Variants in PTPRD observed in about 807,000 individuals in gnomAD.
The protein encoded by PTPRD is protein tyrosine phosphatase receptor type D, also known as receptor-type tyrosine-protein phosphatase delta.
In PTPRD, 34 loss-of-function variants were observed where a neutral mutation model predicts 214.5. The ratio of observed to expected loss-of-function variants is 0.16; its 90% CI spans 0.12 to 0.21. The LOEUF (loss-of-function observed/expected upper bound fraction) is 0.21, where lower values mean the gene tolerates loss of function less well. Ranked by LOEUF, PTPRD falls within the 10% of genes least tolerant of loss-of-function variation. The pLI, the probability that PTPRD is intolerant of heterozygous loss-of-function variation, is 1.00. For synonymous variants in PTPRD, 1,128 were observed against 845.7 expected (o/e 1.33, Z -5.79); for missense variants, 2,545 against 2,398.7 (o/e 1.06, Z -1.27).
intron 8 of PTPRD, among the ~76,000 whole-genome samples, chr9:9,506,369 TA>T (rs145381470): frequency 2.0e-5 from 3 of 150,984 alleles, no homozygotes; most frequent in South Asian, 2.1e-4. Flanking sequence ...ATTATATAGC[TA>T]AAAAAAAGAC....
chr9:9,647,523 T>C (rs2096225742), intron 7 of PTPRD, among the ~76,000 whole-genome samples: 1 of 152,204 alleles, frequency 6.6e-6, no homozygotes, highest in South Asian at 2.1e-4. Flanking sequence ...GTCTTATATA[T>C]GTATTACCTA....
At chr9:10,152,679 G>C (rs1160766401) in intron 3 of PTPRD, among the ~76,000 whole-genome samples, 2 of 152,116 alleles carry the variant, frequency 1.3e-5, no homozygotes, top group African/African-American at 2.4e-5. Flanking sequence ...TACAAAATTA[G>C]CTGGGCGTGG....
intron 11 of PTPRD, among the ~76,000 whole-genome samples, chr9:8,959,020 C>T (rs758032830): frequency 3.3e-5 from 5 of 151,972 alleles, no homozygotes; most frequent in African/African-American, 9.7e-5. Flanking sequence ...GACAGGTCCT[C>T]GAGGAAGCAC....
Position 8,317,962 on chromosome 9 carries a change from GGGA to G in PTPRD, c.5671-23_5671-21del, listed in dbSNP as rs769312778. ...TTGATCCTGCAGGAGACAATGAATGGGGAGAAGCAAAAGAAGGGACCATGAGCA... is the reference window on the plus strand; with the variant it reads ...TTGATCCTGCAGGAGACAATGAATGGGAAGCAAAAGAAGGGACCATGAGCA... On this transcript the variant is annotated intron_variant, in intron 45 of 45. Transcript: ENST00000381196. The G allele has an allele frequency of 4.4e-6, 7 of 1,607,302 alleles. No individual in the cohort carries two copies.
chr9:8,906,432 G>A (rs2098708220), intron 11 of PTPRD, among the ~76,000 whole-genome samples: 1 of 152,142 alleles, frequency 6.6e-6, no homozygotes, highest in Non-Finnish European at 1.5e-5. Flanking sequence ...TCTTGATATA[G>A]TTCAGTTTTC....
At chr9:9,970,458 AAAAG>A (rs1240414043) in intron 4 of PTPRD, among the ~76,000 whole-genome samples, 41 of 126,560 alleles carry the variant, frequency 3.2e-4, no homozygotes, top group African/African-American at 1.2e-3. Flanking sequence ...AAGAAAAAGA[AAAAG>A]AAAAAAAAAA....
intron 9 of PTPRD, among the ~76,000 whole-genome samples, chr9:9,309,848 G>A (rs891659697): frequency 6.6e-6 from 1 of 152,094 alleles, no homozygotes; most frequent in African/African-American, 2.4e-5. Context: ...TGGAATAGTG[G>A]CTCTATTCTT....
Position 9,325,165 on chromosome 9 carries a change from G to C in PTPRD, c.-203+72284C>G, listed in dbSNP as rs573704374. Among the ~76,000 whole-genome samples, 894 of 152,212 alleles carry C rather than the reference G, an allele frequency of 5.9e-3. 4 individuals are homozygous for C. Among genetic ancestry groups the C allele is most frequent in the Non-Finnish European group, 8.1e-3 (552 of 67,986 alleles). On this transcript the variant is annotated intron_variant, in intron 9 of 45. Transcript: ENST00000381196. The stretch of plus-strand genomic sequence containing the variant: ...TGTTCTTTTGGCTTAGGATTGTCTT[G>C]GCAATGTGGTCTCTTTTTTGGTTCC...
chr9:10,573,052 A>T (rs2067995698), intron 2 of PTPRD, among the ~76,000 whole-genome samples: 1 of 152,120 alleles, frequency 6.6e-6, no homozygotes. Flanking sequence ...CTGAAATTTG[A>T]CAGGATCTGG....
intron 7 of PTPRD, among the ~76,000 whole-genome samples, chr9:9,695,265 T>G (rs1175328640): frequency 6.6e-6 from 1 of 152,114 alleles, no homozygotes; most frequent in South Asian, 2.1e-4. Flanking sequence ...GGGAGCTATG[T>G]CCTCACAACT....
chr9:8,951,503 CT>C (rs764767316), intron 11 of PTPRD, among the ~76,000 whole-genome samples: 8 of 151,886 alleles, frequency 5.3e-5, no homozygotes, highest in Non-Finnish European at 1.2e-4. Flanking sequence ...TGACAATATA[CT>C]TGATTTTTCT....
chr9:9,881,291 A>G (rs7852681), intron 5 of PTPRD, among the ~76,000 whole-genome samples: 13,272 of 152,154 alleles, frequency 0.087, 1,396 homozygotes, highest in African/African-American at 0.25. Context: ...ACTATCAGCT[A>G]TTTAATATCA....
chr9:9,961,667 G>A (rs924248764), intron 4 of PTPRD, among the ~76,000 whole-genome samples: 1 of 152,142 alleles, frequency 6.6e-6, no homozygotes, highest in Non-Finnish European at 1.5e-5. Flanking sequence ...GAAGCAGGAT[G>A]CTGGCAACAC....
At chr9:8,386,515 G>C (rs567944839) in intron 37 of PTPRD, among the ~76,000 whole-genome samples, 1 of 152,250 alleles carries the variant, frequency 6.6e-6, no homozygotes, top group Admixed American at 6.5e-5. Flanking sequence ...TCAGCTCTTG[G>C]AGAGGTAATT....
chr9:10,137,702 A>T (rs1256363538), intron 3 of PTPRD, among the ~76,000 whole-genome samples: 1 of 40,850 alleles, frequency 2.4e-5, no homozygotes, highest in Non-Finnish European at 7.0e-5. Flanking sequence ...AGAGTATAAT[A>T]AAAAAAAAAA....
chr9:9,898,773 CT>C (rs2075684220), intron 5 of PTPRD, among the ~76,000 whole-genome samples: 1 of 152,082 alleles, frequency 6.6e-6, no homozygotes, highest in Non-Finnish European at 1.5e-5. Flanking sequence ...AATGTTCTAA[CT>C]TTGGTCCTCT....
At chr9:9,578,669 T>C (rs2089820529) in intron 7 of PTPRD, among the ~76,000 whole-genome samples, 1 of 152,140 alleles carries the variant, frequency 6.6e-6, no homozygotes, top group Non-Finnish European at 1.5e-5. Flanking sequence ...GATTTCTACA[T>C]TGTATCTCAT....
chr9:9,710,786 GACACACAC>G (rs143354072), intron 7 of PTPRD, among the ~76,000 whole-genome samples: 1 of 150,276 alleles, frequency 6.7e-6, no homozygotes, highest in Non-Finnish European at 1.5e-5. Context: ...CAACCTGTTG[GACACACAC>G]ACACACACAG....
intron 9 of PTPRD, among the ~76,000 whole-genome samples, chr9:9,199,774 C>T (rs2099940781): frequency 6.6e-6 from 1 of 150,918 alleles, no homozygotes; most frequent in African/African-American, 2.4e-5. Flanking sequence ...TTATTAGAAA[C>T]ACGCTAAAGT....
Sources: allele counts gnomAD v4.1 joint callset (sites outside exome capture counted in the v4.1 genomes callset), GRCh38; gene constraint gnomAD v4.1.1; transcripts MANE v1.5; gene names NCBI Gene and HGNC (gene_info 2026-07-23, HGNC 2026-07-21).